HDAC9: variants seen among roughly 807,000 people sequenced by gnomAD.
HDAC9 encodes the protein MEF-2 interacting transcription repressor (MITR) protein.
In HDAC9, 41 loss-of-function variants were observed where a neutral mutation model predicts 139.4. The observed-to-expected ratio is 0.29, with a 90% CI of 0.23 to 0.38. The LOEUF (loss-of-function observed/expected upper bound fraction) is 0.38. HDAC9 is among the 10% of genes least tolerant of loss of function. The pLI is 1.00. For missense variants in HDAC9, 1,147 were observed against 1,297.0 expected (o/e 0.88, Z 1.78); for synonymous variants, 517 against 476.2 (o/e 1.09, Z -1.12).
At chr7:18,244,871 A>G (rs1026361973) in intron 2 of HDAC9, among the ~76,000 whole-genome samples, 2 of 152,032 alleles carry the variant, frequency 1.3e-5, no homozygotes, top group Non-Finnish European at 2.9e-5. Flanking sequence ...TTTCTTTTGT[A>G]TTCAGGATTG....
intron 1 of HDAC9, among the ~76,000 whole-genome samples, chr7:18,477,161 T>A (rs998375629): frequency 6.6e-6 from 1 of 152,232 alleles, no homozygotes; most frequent in African/African-American, 2.4e-5. Context: ...ATACCCCTTC[T>A]GATGAATCCT....
At chr7:18,416,839 C>T (rs1789114251) in intron 1 of HDAC9, among the ~76,000 whole-genome samples, 3 of 152,076 alleles carry the variant, frequency 2.0e-5, no homozygotes. Flanking sequence ...AGCTGTCATT[C>T]ATATTTTGTC....
intron 11 of HDAC9, among the ~76,000 whole-genome samples, chr7:18,660,336 A>AT: frequency 6.6e-6 from 1 of 152,154 alleles, no homozygotes; most frequent in East Asian, 1.9e-4. Context: ...TCTTTTTTGT[A>AT]TTTTGTGAAT....
At chr7:18,184,691 A>G (rs940326126) in intron 2 of HDAC9, among the ~76,000 whole-genome samples, 4 of 152,218 alleles carry the variant, frequency 2.6e-5, no homozygotes, top group African/African-American at 9.6e-5. Flanking sequence ...CAAATGTTCT[A>G]TGCTTGTCTT....
intron 17 of HDAC9, among the ~76,000 whole-genome samples, chr7:18,813,826 G>A (rs1455442164): frequency 2.0e-5 from 3 of 152,158 alleles, no homozygotes; most frequent in East Asian, 1.9e-4. Flanking sequence ...AGTAAAAGGC[G>A]AGAGTCTAGC....
chr7:18,778,773 C>T (rs943350802), intron 16 of HDAC9, among the ~76,000 whole-genome samples: 9 of 152,000 alleles, frequency 5.9e-5, no homozygotes, highest in African/African-American at 1.9e-4. Flanking sequence ...GTAGCCCTTT[C>T]GCCAGAGCAA....
intron 1 of HDAC9, among the ~76,000 whole-genome samples, chr7:18,487,485 C>G (rs937531250): frequency 7.2e-5 from 11 of 151,982 alleles, no homozygotes; most frequent in African/African-American, 2.7e-4. Context: ...GTGTGTTTGC[C>G]TCTGTTCTTG....
intron 1 of HDAC9, among the ~76,000 whole-genome samples, chr7:18,440,065 C>T (rs1451700457): frequency 6.6e-6 from 1 of 152,056 alleles, no homozygotes; most frequent in African/African-American, 2.4e-5. Flanking sequence ...TACATCACTT[C>T]ATCATGGAGA....
chr7:18,324,406 T>C (rs1220129136), intron 1 of HDAC9, among the ~76,000 whole-genome samples: 2 of 152,214 alleles, frequency 1.3e-5, no homozygotes, highest in African/African-American at 2.4e-5. Flanking sequence ...GAGATAATCA[T>C]AGTACCAGTC....
At chr7:18,110,451 A>T (rs1783540557) in intron 1 of HDAC9, among the ~76,000 whole-genome samples, 1 of 152,202 alleles carries the variant, frequency 6.6e-6, no homozygotes, top group Non-Finnish European at 1.5e-5. Context: ...CAATAGAGAT[A>T]TTCCAGGCAG....
At chr7:18,404,915 AC>A (rs1444585406) in intron 1 of HDAC9, among the ~76,000 whole-genome samples, 1 of 152,174 alleles carries the variant, frequency 6.6e-6, no homozygotes, top group East Asian at 1.9e-4. Context: ...TCCAGAGCTC[AC>A]CCCAGCAGCT....
chr7:18,316,566 G>A (rs1799653402), intron 1 of HDAC9, among the ~76,000 whole-genome samples: 1 of 144,566 alleles, frequency 6.9e-6, no homozygotes, highest in Admixed American at 7.3e-5. Context: ...GGAGGCCAAG[G>A]CACATGGATT....
At chr7:18,738,968 C>G (rs1384706475) in intron 13 of HDAC9, among the ~76,000 whole-genome samples, 1 of 152,106 alleles carries the variant, frequency 6.6e-6, no homozygotes, top group Non-Finnish European at 1.5e-5. Flanking sequence ...TCTTTTTACT[C>G]TTTTTTCTCT....
intron 16 of HDAC9, among the ~76,000 whole-genome samples, chr7:18,785,501 A>T (rs921507529): frequency 6.6e-6 from 1 of 152,058 alleles, no homozygotes; most frequent in Admixed American, 6.6e-5. Flanking sequence ...GCTCTACCAT[A>T]ATAGCAGACA....
intron 1 of HDAC9, among the ~76,000 whole-genome samples, chr7:18,132,944 T>C (rs2128103299): frequency 1.3e-5 from 2 of 152,304 alleles, no homozygotes; most frequent in South Asian, 4.1e-4. Flanking sequence ...TAACAGTCTT[T>C]CAAAATAACT....
chr7:18,112,062 T>C (rs1378259617), intron 1 of HDAC9, among the ~76,000 whole-genome samples: 1 of 152,260 alleles, frequency 6.6e-6, no homozygotes, highest in Non-Finnish European at 1.5e-5. Context: ...AGAATAGATG[T>C]AGTAAAAATA....
At chr7:18,317,849 G>A (rs573147556) in intron 1 of HDAC9, among the ~76,000 whole-genome samples, 53 of 152,288 alleles carry the variant, frequency 3.5e-4, no homozygotes, top group African/African-American at 1.2e-3. Flanking sequence ...GAAATACTTA[G>A]TAGTCTAACA....
At chr7:18,922,168 T>C (rs562542671) in intron 22 of HDAC9, among the ~76,000 whole-genome samples, 2 of 152,070 alleles carry the variant, frequency 1.3e-5, no homozygotes, top group Admixed American at 6.6e-5. Flanking sequence ...ACATGGCACA[T>C]GTATATATAT....
chr7:18,216,997 A>T (rs1261871796), intron 2 of HDAC9, among the ~76,000 whole-genome samples: 1 of 152,178 alleles, frequency 6.6e-6, no homozygotes, highest in African/African-American at 2.4e-5. Context: ...AGAATGTAAC[A>T]TTCTAAAACA....
Sources: allele counts gnomAD v4.1 joint callset (sites outside exome capture counted in the v4.1 genomes callset), GRCh38; gene constraint gnomAD v4.1.1; transcripts MANE v1.5; gene names NCBI Gene and HGNC (gene_info 2026-07-23, HGNC 2026-07-21).